Variants in KIAA1671 observed in about 807,000 individuals in gnomAD.
The protein encoded by KIAA1671 is uncharacterized protein KIAA1671.
Under a neutral mutation model 131.2 loss-of-function variants are expected in KIAA1671, and 52 were observed. The observed-to-expected ratio is 0.40, with a 90% CI of 0.32 to 0.50. The LOEUF is 0.50. Among genes scored for constraint, KIAA1671 ranks in the 20% least tolerant of loss-of-function variants. The pLI is 0.73. For synonymous variants in KIAA1671, 1,003 were observed against 961.6 expected (o/e 1.04, Z -0.80); for missense variants, 2,360 against 2,364.2 (o/e 1.00, Z 0.04).
At chr22:25,114,858 A>G (rs1161583127) in intron 6 of KIAA1671, among the ~76,000 whole-genome samples, 3 of 152,226 alleles carry the variant, frequency 2.0e-5, no homozygotes, top group Non-Finnish European at 1.5e-5. Flanking sequence ...CAACAGCAGT[A>G]TCCGTGGCTG....
intron 10 of KIAA1671, among the ~76,000 whole-genome samples, chr22:25,184,745 G>A (rs1025867400): frequency 4.6e-5 from 7 of 152,098 alleles, no homozygotes; most frequent in African/African-American, 1.7e-4. Flanking sequence ...AAAAGAGAAT[G>A]TGATTATGTG....
chr22:25,003,760 C>G (rs139989349), intron 1 of KIAA1671, among the ~76,000 whole-genome samples: 1 of 151,658 alleles, frequency 6.6e-6, no homozygotes, highest in Non-Finnish European at 1.5e-5. Flanking sequence ...TTCTCTAATA[C>G]TTTCTCTCAG....
chr22:25,084,625 C>T (rs573132836), intron 6 of KIAA1671, among the ~76,000 whole-genome samples: 2 of 152,172 alleles, frequency 1.3e-5, no homozygotes, highest in Non-Finnish European at 2.9e-5. Flanking sequence ...GCAGTGCAAA[C>T]CAACCACTGT....
At chr22:25,131,201 G>A (rs954700484) in intron 6 of KIAA1671, among the ~76,000 whole-genome samples, 1 of 152,124 alleles carries the variant, frequency 6.6e-6, no homozygotes, top group African/African-American at 2.4e-5. Context: ...GTGCCATCTG[G>A]GTGTTTTCCA....
intron 1 of KIAA1671, among the ~76,000 whole-genome samples, chr22:24,990,938 A>G (rs984938772): frequency 1.3e-5 from 2 of 151,900 alleles, no homozygotes; most frequent in African/African-American, 2.4e-5. Flanking sequence ...CTGCTTGACC[A>G]CACTGTCCCA....
intron 6 of KIAA1671, among the ~76,000 whole-genome samples, chr22:25,163,337 T>A (rs1402230987): frequency 3.7e-5 from 5 of 136,954 alleles, no homozygotes; most frequent in African/African-American, 1.2e-4. Context: ...TCAAATTTTT[T>A]TTTTTTTTTT....
chr22:25,139,711 G>C (rs1380254659), intron 6 of KIAA1671, among the ~76,000 whole-genome samples: 2 of 152,226 alleles, frequency 1.3e-5, no homozygotes, highest in Admixed American at 6.5e-5. Context: ...GGGGAGATAG[G>C]CATGGGTTTT....
At chr22:25,181,056 G>C (rs1045872204) in intron 9 of KIAA1671, among the ~76,000 whole-genome samples, 18 of 152,144 alleles carry the variant, frequency 1.2e-4, no homozygotes, top group African/African-American at 4.3e-4. Flanking sequence ...AGAGCACCAG[G>C]TCTTGCCTCT....
intron 1 of KIAA1671, among the ~76,000 whole-genome samples, chr22:24,991,732 A>G (rs1923852985): frequency 6.7e-6 from 1 of 149,656 alleles, no homozygotes; most frequent in Non-Finnish European, 1.5e-5. Flanking sequence ...AAGTGCTGGG[A>G]TTGCAGGTGT....
chr22:25,067,845 C>T (rs1226950809), intron 6 of KIAA1671, among the ~76,000 whole-genome samples: 3 of 152,240 alleles, frequency 2.0e-5, no homozygotes, highest in Admixed American at 2.0e-4. Context: ...AACAGTCATT[C>T]AGTAGGGCAG....
At chr22:25,049,398 C>A in intron 6 of KIAA1671, 34 bp downstream of exon 6, 10 of 1,537,504 alleles carry the variant, frequency 6.5e-6, no homozygotes, top group Non-Finnish European at 8.8e-6. Context: ...GAGGATTGCA[C>A]AGGGGTGCTG....
At chr22:25,089,016 C>T (rs1929881710) in intron 6 of KIAA1671, among the ~76,000 whole-genome samples, 1 of 152,166 alleles carries the variant, frequency 6.6e-6, no homozygotes, top group Non-Finnish European at 1.5e-5. Flanking sequence ...TGAACATGTA[C>T]TGACTTTTCT....
chr22:25,019,678 T>C (rs1223519507), intron 1 of KIAA1671, among the ~76,000 whole-genome samples: 2 of 119,396 alleles, frequency 1.7e-5, no homozygotes, highest in East Asian at 2.2e-4. Context: ...GTCATGACCT[T>C]GAATACAAAA....
chr22:24,992,888 A>C (rs981721806), intron 1 of KIAA1671, among the ~76,000 whole-genome samples: 1 of 151,050 alleles, frequency 6.6e-6, no homozygotes, highest in African/African-American at 2.4e-5. Flanking sequence ...TCTCTCAGCT[A>C]CTATTCAAAG....
intron 6 of KIAA1671, chr22:25,112,178 A>G (rs1034299615): frequency 2.5e-6 from 1 of 398,746 alleles, no homozygotes; most frequent in Non-Finnish European, 4.4e-6. Flanking sequence ...GGCTGGCCCC[A>G]TGGATTACCT....
chr22:25,100,395 A>G (rs1268574985), intron 6 of KIAA1671, among the ~76,000 whole-genome samples: 2 of 152,162 alleles, frequency 1.3e-5, no homozygotes, highest in East Asian at 3.8e-4. Context: ...AGCCAAATGG[A>G]GTGGAAGGGA....
Position 25,070,518 on chromosome 22 carries a change from A to G in KIAA1671, c.4530+21154A>G, listed in dbSNP as rs1009966040. ...GCTTTTTGGCTGTGTCTGGTTAGCA[A>G]TGTCTCTGTTTTCTTTAAGAAATGG... On this transcript the variant is annotated intron_variant, in intron 6 of 12. Coordinates refer to ENST00000358431, the MANE Select transcript of KIAA1671 (RefSeq NM_001145206.2). 2.9e-5 allele frequency: 12 copies of G among 410,820 alleles called. No homozygotes were observed. The South Asian group carries it at 5.9e-4, about 20-fold the overall frequency. The allele number at this position is 410,820 out of a possible 1,614,324, so 25.4% of individuals were successfully genotyped here.
At chr22:25,172,859 T>A (rs1009628665) in intron 7 of KIAA1671, among the ~76,000 whole-genome samples, 3 of 152,192 alleles carry the variant, frequency 2.0e-5, no homozygotes, top group Non-Finnish European at 4.4e-5. Flanking sequence ...GTCCTGTTGC[T>A]GGGGACAAGC....
intron 6 of KIAA1671, among the ~76,000 whole-genome samples, chr22:25,149,967 C>T (rs1303938160): frequency 6.6e-6 from 1 of 152,202 alleles, no homozygotes; most frequent in Non-Finnish European, 1.5e-5. Flanking sequence ...ATTCCATCCA[C>T]TCCAGCCTCG....
Sources: gnomAD v4.1 joint callset for allele counts (sites outside exome capture counted in the v4.1 genomes callset) on GRCh38, gnomAD v4.1.1 for gene constraint, MANE v1.5 for transcripts, NCBI Gene and HGNC (gene_info 2026-07-23, HGNC 2026-07-21) for gene names.